Variants in CRYBG2 observed in about 807,000 individuals in gnomAD.
CRYBG2 encodes crystallin beta-gamma domain containing 2.
CRYBG2 carries 106 observed loss-of-function variants against 153.4 expected under a neutral mutation model. The observed-to-expected ratio is 0.69, with a 90% CI of 0.59 to 0.81. The LOEUF is 0.81. Ranked by LOEUF, CRYBG2 falls within the 30% of genes least tolerant of loss-of-function variation. CRYBG2 has a pLI of 0.00. For missense variants in CRYBG2, 1,996 were observed against 2,112.0 expected (o/e 0.95, Z 1.08); for synonymous variants, 851 against 877.8 (o/e 0.97, Z 0.54).
In CRYBG2 at chr1:26,331,558, C is replaced by G. The variant is rs372963724; in HGVS notation, c.4245G>C (p.Glu1415Asp). 3.7e-6 allele frequency: 6 copies of G among 1,614,122 alleles called. No individual in the cohort carries two copies. The highest frequency in any genetic ancestry group is 8.5e-7 in the Non-Finnish European group (1 of 1,180,018). Residue 1415 changes from glutamate (E) to aspartate (D), a missense_variant, in exon 15 of 20, where the codon GAG becomes GAC. Transcript: ENST00000308182. ...AGCCCATGGCCGTGAGAGTGGGGAACTCGCCCTCAGAGAGAATGTGCTGGT... is the reference window on the plus strand; with the variant it reads ...AGCCCATGGCCGTGAGAGTGGGGAAGTCGCCCTCAGAGAGAATGTGCTGGT... ...EGDQHILSEG[E>D]FPTLTAMGCL...
At chr1:26,329,320 G>A (rs1388965375) in intron 15 of CRYBG2, among the ~76,000 whole-genome samples, 1 of 151,766 alleles carries the variant, frequency 6.6e-6, no homozygotes, top group Non-Finnish European at 1.5e-5. Context: ...GGGATTACAG[G>A]CACGCACCAC....
chr1:26,322,091 TAGTC>T (rs1189052726), intron 19 of CRYBG2, 35 bp from the exon 20 acceptor site: 12 of 1,599,318 alleles, frequency 7.5e-6, no homozygotes, highest in African/African-American at 4.0e-5. Context: ...GATAGGGAGA[TAGTC>T]AGAGAGAGCT....
intron 17 of CRYBG2, chr1:26,324,928 TG>T (rs921075831): frequency 5.9e-5 from 9 of 152,364 alleles, no homozygotes; most frequent in African/African-American, 1.9e-4. Context: ...TAACGTTTGT[TG>T]AGAGCTGACT....
In CRYBG2 at chr1:26,346,604, G is replaced by A. The variant is rs181557677; in HGVS notation, c.54C>T (p.Ala18=). The change falls in exon 2 of 20, where the codon GCC becomes GCT. Residue 18 remains alanine (A), a synonymous_variant. Coordinates refer to ENST00000308182, the MANE Select transcript of CRYBG2 (RefSeq NM_001039775.4). The surrounding 1 kb of genome is among the most constrained non-coding windows in gnomAD (Gnocchi z 4.9). ...MARAKARVVS[A]TLTWRQRPPT... The stretch of plus-strand genomic sequence containing the variant: ...GGGGCCGCTGCCGCCATGTCAATGT[G>A]GCACTTACCACTCGGGCCTTGGCCC... 0.011 allele frequency: 18,033 copies of A among 1,585,284 alleles called. 143 individuals are homozygous for A. Among genetic ancestry groups the A allele is most frequent in the Non-Finnish European group, 0.014 (16,446 of 1,165,520 alleles).
intron 18 of CRYBG2, among the ~76,000 whole-genome samples, 170 bp from the exon 19 acceptor site, chr1:26,322,493 A>G (rs2073871996): frequency 6.6e-6 from 1 of 152,194 alleles, no homozygotes; most frequent in Non-Finnish European, 1.5e-5. Context: ...GGAATCCCCA[A>G]ATGCTGGCTT....
In CRYBG2 at chr1:26,336,391, G is replaced by T; in HGVS notation, c.4039-21C>A. On this transcript the variant is annotated intron_variant, in intron 12 of 19. Coordinates refer to ENST00000308182, the MANE Select transcript of CRYBG2 (RefSeq NM_001039775.4). This position sits in a 1 kb window ranked among gnomAD's most constrained non-coding sequence, Gnocchi z 4.9. ...CCGACCTGAAGGTAGGGACCGAATC[G>T]AGAATTAGGGAGGGTGCCGGCCCCT... is the stretch of plus-strand genomic sequence containing the variant. 6.2e-7 allele frequency: 1 copy of T among 1,612,206 alleles called. No homozygotes were observed. The highest frequency in any genetic ancestry group is 8.5e-7 in the Non-Finnish European group (1 of 1,179,116).
At chr1:26,326,626 T>TA (rs200204262) in intron 17 of CRYBG2, 22 of 213,778 alleles carry the variant, frequency 1.0e-4, no homozygotes, top group African/African-American at 1.3e-4. Context: ...AGGATAAAGT[T>TA]AAAAAAAATG....
At chr1:26,342,704 G>A (rs1570197485) in intron 5 of CRYBG2, 50 bp downstream of exon 5, 4 of 1,595,500 alleles carry the variant, frequency 2.5e-6, no homozygotes, top group Non-Finnish European at 3.4e-6. Context: ...TGGCCTCGGG[G>A]ATTTCAACTC....
At chr1:26,339,698 T>C (rs1356452868) in intron 5 of CRYBG2, among the ~76,000 whole-genome samples, 1 of 151,120 alleles carries the variant, frequency 6.6e-6, no homozygotes, top group African/African-American at 2.4e-5. Flanking sequence ...ATCATGCCAT[T>C]GCACTCAAGC....
chr1:26,322,126 C>A, intron 19 of CRYBG2, 38 bp downstream of exon 19: 1 of 1,601,232 alleles, frequency 6.2e-7, no homozygotes, highest in Non-Finnish European at 8.5e-7. Flanking sequence ...GGCTCTCAGC[C>A]CCCTCAGGAG....
chr1:26,344,592 G>C lies in CRYBG2; in HGVS notation c.2066C>G (p.Pro689Arg). ...CTCTTTCTGGGTGAGAGATGAGATG[G>C]GGCTCCCTTCAGAGTCCTGGACCCC... The part of the protein sequence containing the change: ...DKGVQDSEGS[P>R]ISSLTQKEVV... The change falls in exon 2 of 20, where the codon CCC becomes CGC. Residue 689 changes from proline to arginine, a missense_variant. Transcript: ENST00000308182. 1 of 1,537,610 alleles carries C rather than the reference G, an allele frequency of 6.5e-7. No individual in the cohort carries two copies. Among genetic ancestry groups the C allele is most frequent in the Non-Finnish European group, 8.7e-7 (1 of 1,146,898 alleles).
intron 14 of CRYBG2, among the ~76,000 whole-genome samples, chr1:26,332,617 C>T (rs2074010281): frequency 6.6e-6 from 1 of 152,024 alleles, no homozygotes; most frequent in Admixed American, 6.6e-5. Context: ...AGCAATTCTC[C>T]TGCATCAGCC....
intron 14 of CRYBG2, among the ~76,000 whole-genome samples, chr1:26,335,816 G>A (rs2074046928): frequency 6.6e-6 from 1 of 152,186 alleles, no homozygotes; most frequent in Non-Finnish European, 1.5e-5. Flanking sequence ...GACACACGTT[G>A]AAGTGTGTAC....
Position 26,343,796 on chromosome 1 carries a change from T to A in CRYBG2, c.2862A>T (p.Glu954Asp). ...VPGQLPLLCS[E>D]RSSPTEKLAC... ...CAAGCTTCTCCGTTGGGGATGATCT[T>A]TCACTGCAAAGCAGGGGCAACTGTC... Residue 954 changes from glutamate to aspartate, a missense_variant, in exon 2 of 20, where the codon GAA becomes GAT. By Grantham distance (45) the Glu-to-Asp change is conservative. Transcript: ENST00000308182. This position sits in a 1 kb window ranked among gnomAD's most constrained non-coding sequence, Gnocchi z 4.1. 6.9e-7 allele frequency: 1 copy of A among 1,451,508 alleles called. No individual in the cohort carries two copies. 89.9% of individuals were successfully genotyped at this position (1,451,508 alleles called of 1,614,324 possible). A position where few individuals can be genotyped will look rare whatever the true frequency, so the allele number is the denominator to read the frequency against.
chr1:26,343,958 G>T lies in CRYBG2; in HGVS notation c.2700C>A (p.Pro900=). 6.5e-7 allele frequency: 1 copy of T among 1,537,770 alleles called. No homozygotes were observed. Among genetic ancestry groups the T allele is most frequent in the Non-Finnish European group, 8.7e-7 (1 of 1,146,586 alleles). The change falls in exon 2 of 20, where the codon CCC becomes CCA. Residue 900 remains proline, a synonymous_variant. Coordinates refer to ENST00000308182, the MANE Select transcript of CRYBG2 (RefSeq NM_001039775.4). The surrounding 1 kb of genome is among the most constrained non-coding windows in gnomAD (Gnocchi z 4.1). The stretch of plus-strand genomic sequence containing the variant: ...GAAGGCTGCCTCCAAGACGGGAAGT[G>T]GGCCTGCTGCCTCCCTGCAGTTCCA... ...LGLELQGGSR[P]TSRLGGSLLF...
At position 26,336,280 on chromosome 1, in the gene CRYBG2, G is replaced by T; in HGVS notation, c.4071+58C>A. 1 of 1,606,840 alleles carries T rather than the reference G, an allele frequency of 6.2e-7. No homozygotes were observed. Among genetic ancestry groups the T allele is most frequent in the Non-Finnish European group, 8.5e-7 (1 of 1,175,908 alleles). On this transcript the variant is annotated intron_variant, in intron 13 of 19. Transcript: ENST00000308182. This position sits in a 1 kb window ranked among gnomAD's most constrained non-coding sequence, Gnocchi z 4.9. ...GCCGAGAACAGCGGGGAGGGGAAAG[G>T]TCCGAAATGAGGGGAGAGACGTGAG...
intron 6 of CRYBG2, 36 bp downstream of exon 6, chr1:26,339,254 G>A: frequency 6.3e-7 from 1 of 1,596,800 alleles, no homozygotes; most frequent in Non-Finnish European, 8.5e-7. Context: ...CACAGTGAAT[G>A]TCAAATGAGG....
rs138600166 is a variant in CRYBG2 at position 26,323,871 on chromosome 1, C to A, written c.4737+281G>T. ...GGGATTATAGGCATGAGCCACCATG[C>A]CTGGCCAAATCTACCATTATTAATA... On this transcript the variant is annotated intron_variant, in intron 18 of 19. Transcript: ENST00000308182. 1.5e-4 allele frequency among the ~76,000 whole-genome samples: 23 copies of A among 152,312 alleles called. 1 individual carries two copies. Among genetic ancestry groups the A allele is most frequent in the Middle Eastern group, 3.4e-3 (1 of 294 alleles).
rs1284392419 is a variant in CRYBG2, at chr1:26,328,265, T to C, written c.4522A>G (p.Asn1508Asp). ...TGGGTGCCGCTGTAGGTCAGCCAGT[T>C]GGTGATCTCGCAGCTTCCCACCAGC... is the stretch of plus-strand genomic sequence containing the variant. ...QWLVGSCEITNWLTYSGTQRV... is the reference protein window; with the variant it reads ...QWLVGSCEITDWLTYSGTQRV... Residue 1508 changes from asparagine to aspartate, a missense_variant, in exon 17 of 20, where the codon AAC (asparagine) becomes GAC (aspartate). Transcript: ENST00000308182. 6.4e-7 allele frequency: 1 copy of C among 1,567,472 alleles called. No homozygotes were observed. The highest frequency in any genetic ancestry group is 1.2e-5 in the South Asian group (1 of 85,324).
Sources: gnomAD v4.1 joint callset for allele counts (sites outside exome capture counted in the v4.1 genomes callset) on GRCh38, gnomAD v4.1.1 for gene constraint, Gnocchi (gnomAD v3.1) non-coding constraint, MANE v1.5 for transcripts, NCBI Gene and HGNC (gene_info 2026-07-23, HGNC 2026-07-21) for gene names.